Variants in C17orf78 observed in about 807,000 individuals in gnomAD.
C17orf78 encodes the protein chromosome 17 open reading frame 78, also known as uncharacterized protein C17orf78.
Under a neutral mutation model 31.8 loss-of-function variants are expected in C17orf78, and 27 were observed. The ratio of observed to expected loss-of-function variants is 0.85; its 90% CI spans 0.63 to 1.17. C17orf78 has a LOEUF of 1.17. Ranked by LOEUF, C17orf78 falls within the 50% of genes most tolerant of loss-of-function variation. C17orf78 has a pLI of 0.00. For synonymous variants in C17orf78, 106 were observed against 115.1 expected, an observed-to-expected ratio of 0.92 and a Z score of 0.51; for missense variants, 258 against 315.2, an observed-to-expected ratio of 0.82 and a Z score of 1.37.
Position 37,391,857 on chromosome 17 carries a change from T to C in C17orf78, c.*133T>C. 1.2e-6 allele frequency: 1 copy of C among 842,656 alleles called. No homozygotes were observed. Among genetic ancestry groups the C allele is most frequent in the Non-Finnish European group, 1.9e-6 (1 of 514,916 alleles). The allele number at this position is 842,656 out of a possible 1,614,324, so 52.2% of individuals were successfully genotyped here. A position where few individuals can be genotyped will look rare whatever the true frequency, so the allele number is the denominator to read the frequency against. ...CAATCAAACACCAATTCCTGGTTAA[T>C]GAAGGGAGAGTGTGGGCTTAGCAGA... On this transcript the variant is annotated 3_prime_UTR_variant, in exon 7 of 7. Transcript: ENST00000615133.
intron 3 of C17orf78, among the ~76,000 whole-genome samples, chr17:37,382,970 G>GAGGTTGCA (rs1489290011): frequency 6.6e-6 from 1 of 152,210 alleles, no homozygotes; most frequent in East Asian, 1.9e-4. Flanking sequence ...CCGGGAGGCG[G>GAGGTTGCA]AGGTTGCAGT....
chr17:37,382,600 G>A (rs375915140), intron 3 of C17orf78, among the ~76,000 whole-genome samples: 111 of 152,220 alleles, frequency 7.3e-4, no homozygotes, highest in African/African-American at 2.5e-3. Context: ...GGTGGCTCAC[G>A]CCTGTAATCC....
chr17:37,388,938 G>T (rs2050670798), intron 5 of C17orf78, 144 bp downstream of exon 5: 1 of 1,151,168 alleles, frequency 8.7e-7, no homozygotes, highest in Non-Finnish European at 1.2e-6. Context: ...GAGTGGTGTT[G>T]GGAAAGTTGC....
chr17:37,388,735 A>G lies in C17orf78; in HGVS notation c.574A>G (p.Thr192Ala). The change falls in exon 5 of 7, where the codon ACC (threonine) becomes GCC (alanine). Residue 192 changes from threonine (T) to alanine (A), a missense_variant. Coordinates refer to ENST00000615133, the MANE Select transcript of C17orf78 (RefSeq NM_173625.5). The part of the protein sequence containing the change: ...SIVVKILIAV[T>A]LLLSGVAIIV... ...TGTGGTCAAAATTCTGATTGCTGTCACCCTGTTGCTCAGTGGAGTTGCCAT... is the reference window on the plus strand; with the variant it reads ...TGTGGTCAAAATTCTGATTGCTGTCGCCCTGTTGCTCAGTGGAGTTGCCAT... 6.2e-7 allele frequency: 1 copy of G among 1,612,440 alleles called. No individual in the cohort carries two copies. The highest frequency in any genetic ancestry group is 2.2e-5 in the East Asian group (1 of 44,880).
chr17:37,390,719 G>A (rs1316542935), intron 6 of C17orf78, among the ~76,000 whole-genome samples: 4 of 151,020 alleles, frequency 2.6e-5, no homozygotes, highest in Admixed American at 2.6e-4. Context: ...CTTGGGCTCA[G>A]GAATTGAAGT....
At chr17:37,378,966 G>C (rs2050126032) in intron 2 of C17orf78, among the ~76,000 whole-genome samples, 171 bp from the exon 3 acceptor site, 1 of 152,156 alleles carries the variant, frequency 6.6e-6, no homozygotes, top group African/African-American at 2.4e-5. Flanking sequence ...CTACTCAGGA[G>C]GCTGAGGTGG....
Position 37,382,689 on chromosome 17 carries a change from G to A in C17orf78, c.391+3307G>A, listed in dbSNP as rs185688565. 2.0e-4 allele frequency among the ~76,000 whole-genome samples: 30 copies of A among 152,158 alleles called. No homozygotes were observed. The East Asian group carries it at 3.1e-3, about 16-fold the overall frequency. On this transcript the variant is annotated intron_variant, in intron 3 of 6. Transcript: ENST00000615133. ...ATCCTGGCCAACATGGTAAAACCTC[G>A]TCTCTACTAAAAATACAAAAATTAG... is the stretch of plus-strand genomic sequence containing the variant.
At chr17:37,385,882 T>C (rs1468421888) in intron 3 of C17orf78, 127 bp from the exon 4 acceptor site, 3 of 627,962 alleles carry the variant, frequency 4.8e-6, no homozygotes, top group Non-Finnish European at 8.3e-6. Flanking sequence ...CCTAAACCTA[T>C]GGACAGACAG....
At chr17:37,384,580 T>A (rs1338518513) in intron 3 of C17orf78, among the ~76,000 whole-genome samples, 2 of 152,142 alleles carry the variant, frequency 1.3e-5, no homozygotes, top group Non-Finnish European at 2.9e-5. Flanking sequence ...AAAACACAGA[T>A]AACTTGTGGT....
rs1386032855 is a variant in C17orf78 at position 37,390,330 on chromosome 17, A to ATATATATATCTATATATC, written c.750+972_750+973insTATATCTATATATCTATA. ...TATATATATATATATATATATATAT[A>ATATATATATCTATATATC]TATAAAAGGCCAGCTGGGCCGGGCA... On this transcript the variant is annotated intron_variant, in intron 6 of 6. Coordinates refer to ENST00000615133, the MANE Select transcript of C17orf78 (RefSeq NM_173625.5). Among the ~76,000 whole-genome samples the ATATATATATCTATATATC allele has an allele frequency of 6.5e-4, 27 of 41,582 alleles. 2 individuals carry two copies. In the East Asian group the frequency reaches 8.2e-3, roughly 13 times the overall value. 27.3% of individuals were successfully genotyped at this position (41,582 alleles called of 152,430 possible).
At position 37,386,088 on chromosome 17, in the gene C17orf78, T is replaced by C; in HGVS notation, c.471T>C (p.Thr157=). The change falls in exon 4 of 7, where the codon ACT becomes ACC. Residue 157 remains threonine, a synonymous_variant. Coordinates refer to ENST00000615133, the MANE Select transcript of C17orf78 (RefSeq NM_173625.5). ...ETFPTTAPSI[T]PGNKEGEKTT... is the part of the protein sequence containing the mutation. Reference sequence around the variant, plus strand: ...TTCCCACCACTGCCCCTTCTATAACTCCTGGGAATAAAGAAGGAGAGAAAA... The same window carrying C: ...TTCCCACCACTGCCCCTTCTATAACCCCTGGGAATAAAGAAGGAGAGAAAA... 6.3e-7 allele frequency: 1 copy of C among 1,598,424 alleles called. No homozygotes were observed. Among genetic ancestry groups the C allele is most frequent in the Non-Finnish European group, 8.6e-7 (1 of 1,168,434 alleles).
intron 5 of C17orf78, 24 bp downstream of exon 5, chr17:37,388,818 C>G (rs1392118946): frequency 1.2e-6 from 2 of 1,611,504 alleles, no homozygotes; most frequent in East Asian, 4.5e-5. Context: ...TGTATTGAAT[C>G]CTTGAACTTG....
In C17orf78 at chr17:37,376,115, G is replaced by A; in HGVS notation, c.23G>A (p.Ser8Asn). 1.2e-6 allele frequency: 2 copies of A among 1,613,256 alleles called. No homozygotes were observed. The highest frequency in any genetic ancestry group is 1.7e-6 in the Non-Finnish European group (2 of 1,179,258). MDTILVFSLIIASYDANK... is the reference protein window; with the variant it reads MDTILVFNLIIASYDANK... The stretch of plus-strand genomic sequence containing the variant: ...AACATGGATACCATCTTGGTCTTCA[G>A]CCTAATCATTGCATCCTATGATGCC... Residue 8 changes from serine to asparagine, a missense_variant, in exon 1 of 7, where the codon AGC becomes AAC. Physicochemically the swap from Ser to Asn is conservative, Grantham distance 46. Coordinates refer to ENST00000615133, the MANE Select transcript of C17orf78 (RefSeq NM_173625.5).
At position 37,389,373 on chromosome 17, in the gene C17orf78, T is replaced by C; in HGVS notation, c.750+11T>C. On this transcript the variant is annotated intron_variant, in intron 6 of 6. Coordinates refer to ENST00000615133, the MANE Select transcript of C17orf78 (RefSeq NM_173625.5). ...TCTCAGCCCCAGAAGGAAAGTGTTCTCTGTGTGGTTTATGTCATTTGCTTA... is the reference window on the plus strand; with the variant it reads ...TCTCAGCCCCAGAAGGAAAGTGTTCCCTGTGTGGTTTATGTCATTTGCTTA... 1 of 1,566,204 alleles carries C rather than the reference T, an allele frequency of 6.4e-7. No homozygotes were observed. Among genetic ancestry groups the C allele is most frequent in the Admixed American group, 1.9e-5 (1 of 52,266 alleles).
In C17orf78 at chr17:37,392,537, G is replaced by T. The variant is rs2050926671; in HGVS notation, c.*813G>T. The T allele has an allele frequency of 1.3e-5, 2 of 152,050 alleles. No individual in the cohort carries two copies. The highest frequency in any genetic ancestry group is 4.8e-5 in the African/African-American group (2 of 41,390). 9.4% of individuals were successfully genotyped at this position (152,050 alleles called of 1,614,324 possible). On this transcript the variant is annotated 3_prime_UTR_variant, in exon 7 of 7. Transcript: ENST00000615133. ...CTTGAATCAATGTTGAGGTGAAAAA[G>T]GAAATGTCAGGAGGGATAAGACAGG...
chr17:37,379,444 C>T, intron 3 of C17orf78, 62 bp downstream of exon 3: 1 of 1,532,456 alleles, frequency 6.5e-7, no homozygotes, highest in Admixed American at 1.9e-5. Context: ...TTGAAGGCAG[C>T]CAGAACTCCG....
At chr17:37,380,815 T>C (rs829154) in intron 3 of C17orf78, among the ~76,000 whole-genome samples, 78,564 of 151,810 alleles carry the variant, frequency 0.52, 21,441 homozygotes, top group East Asian at 0.99. Flanking sequence ...CCAGGCAGGT[T>C]CTGATCTCTG....
chr17:37,381,697 A>T (rs4470189), intron 3 of C17orf78, among the ~76,000 whole-genome samples: 1 of 138,716 alleles, frequency 7.2e-6, no homozygotes, highest in South Asian at 2.2e-4. Context: ...GTGCGATCTC[A>T]GCTCACTGCA....
intron 3 of C17orf78, among the ~76,000 whole-genome samples, chr17:37,382,030 TTC>T (rs1292310098): frequency 6.6e-6 from 1 of 152,228 alleles, no homozygotes; most frequent in African/African-American, 2.4e-5. Flanking sequence ...GTATATATTC[TTC>T]TTTTTTCTCT....
Sources: allele counts gnomAD v4.1 joint callset (sites outside exome capture counted in the v4.1 genomes callset), GRCh38; gene constraint gnomAD v4.1.1; transcripts MANE v1.5; gene names NCBI Gene and HGNC (gene_info 2026-07-23, HGNC 2026-07-21).